Variants in NEK7 observed in about 807,000 individuals in gnomAD.
NEK7 encodes NIMA related kinase 7.
In NEK7, 18 loss-of-function variants were observed where a neutral mutation model predicts 44.6. That is an observed-to-expected ratio of 0.40 (90% CI 0.28 to 0.60). The LOEUF is 0.60. Among genes scored for constraint, NEK7 ranks in the 20% least tolerant of loss-of-function variants. NEK7 has a pLI of 0.38. For missense variants in NEK7, 256 were observed against 366.5 expected, an observed-to-expected ratio of 0.70 and a Z score of 2.46; for synonymous variants, 130 against 121.1, an observed-to-expected ratio of 1.07 and a Z score of -0.48.
intron 2 of NEK7, among the ~76,000 whole-genome samples, chr1:198,236,791 T>G (rs1371723911): frequency 6.6e-6 from 1 of 151,910 alleles, no homozygotes; most frequent in East Asian, 1.9e-4. Context: ...TGCTATTACT[T>G]CTCCCATCTA....
chr1:198,257,807 G>C (rs1399280258), intron 3 of NEK7, among the ~76,000 whole-genome samples: 2 of 152,092 alleles, frequency 1.3e-5, no homozygotes, highest in Admixed American at 6.6e-5. Flanking sequence ...AAGCAGATAA[G>C]AAACAGAAAA....
chr1:198,205,216 G>A (rs1380195727), intron 1 of NEK7, among the ~76,000 whole-genome samples: 2 of 152,174 alleles, frequency 1.3e-5, no homozygotes, highest in African/African-American at 4.8e-5. Flanking sequence ...GCCAAAAACA[G>A]CGGCAGTTTT....
intron 2 of NEK7, among the ~76,000 whole-genome samples, chr1:198,250,759 A>C (rs1652922689): frequency 6.9e-6 from 1 of 144,874 alleles, no homozygotes; most frequent in Admixed American, 7.0e-5. Flanking sequence ...GAAGTTGCTT[A>C]TCAGCTTAAG....
chr1:198,318,164 A>AACAG (rs1315324399), intron 9 of NEK7, among the ~76,000 whole-genome samples: 1 of 152,162 alleles, frequency 6.6e-6, no homozygotes, highest in Non-Finnish European at 1.5e-5. Flanking sequence ...TTAGGATGAG[A>AACAG]ACAGCCCTTA....
intron 1 of NEK7, among the ~76,000 whole-genome samples, chr1:198,219,502 A>G (rs979802534): frequency 7.0e-6 from 1 of 143,814 alleles, no homozygotes; most frequent in Non-Finnish European, 1.5e-5. Context: ...GAGCTAAACT[A>G]TGGGTACATA....
At chr1:198,253,276 T>C in intron 3 of NEK7, 96 bp downstream of exon 3, 1 of 767,430 alleles carries the variant, frequency 1.3e-6, no homozygotes, top group Non-Finnish European at 2.0e-6. Context: ...ACTGATAGCC[T>C]TAAGTTGAGA....
chr1:198,241,268 A>G (rs540372447), intron 2 of NEK7, among the ~76,000 whole-genome samples: 1 of 152,336 alleles, frequency 6.6e-6, no homozygotes, highest in East Asian at 1.9e-4. Flanking sequence ...TGTTTCACAT[A>G]GCTTTCTCAC....
chr1:198,256,592 T>C (rs559618512), intron 3 of NEK7: 12 of 1,315,168 alleles, frequency 9.1e-6, no homozygotes, highest in African/African-American at 7.5e-5. Flanking sequence ...CTGCTGATCA[T>C]TGAATTCATT....
In NEK7 at chr1:198,310,288, GTTGT is replaced by G. The variant is rs942974063; in HGVS notation, c.799-9117_799-9114del. ...TGTCCTTCACCCACTTTTTGATGGC[GTTGT>G]TTGTTTTTTTCTTGTAGATTTGTTT... is the stretch of plus-strand genomic sequence containing the variant. On this transcript the variant is annotated intron_variant, in intron 9 of 9. Coordinates refer to ENST00000367385, the MANE Select transcript of NEK7 (RefSeq NM_133494.3). Among the ~76,000 whole-genome samples, 53 of 152,096 alleles carry G rather than the reference GTTGT, an allele frequency of 3.5e-4. 1 individual carries two copies. Among genetic ancestry groups the G allele is most frequent in the African/African-American group, 1.1e-3 (45 of 41,482 alleles).
At chr1:198,217,921 C>T (rs184465109) in intron 1 of NEK7, among the ~76,000 whole-genome samples, 1 of 148,442 alleles carries the variant, frequency 6.7e-6, no homozygotes, top group Admixed American at 6.7e-5. Flanking sequence ...AACTGCAAAA[C>T]ACTGCTGAAA....
Position 198,278,074 on chromosome 1 carries a change from GAT to G in NEK7, c.481+7_481+8del. 7.0e-7 allele frequency: 1 copy of G among 1,433,598 alleles called. No homozygotes were observed. Among genetic ancestry groups the G allele is most frequent in the Non-Finnish European group, 9.8e-7 (1 of 1,021,564 alleles). The allele number at this position is 1,433,598 out of a possible 1,614,324, so 88.8% of individuals were successfully genotyped here. A position where few individuals can be genotyped will look rare whatever the true frequency, so the allele number is the denominator to read the frequency against. ...CTCGAAGAGTCATGCATAGAGGTAA[GAT>G]AAAATCATTAAGTACTTTTAATCTT... On this transcript the variant is annotated splice_donor_region_variant and intron_variant, in intron 6 of 9. Coordinates refer to ENST00000367385, the MANE Select transcript of NEK7 (RefSeq NM_133494.3).
chr1:198,280,663 G>T (rs548009162), intron 7 of NEK7, among the ~76,000 whole-genome samples: 1 of 150,896 alleles, frequency 6.6e-6, no homozygotes, highest in African/African-American at 2.4e-5. Context: ...AATTCATTAT[G>T]AATTTCTCAT....
chr1:198,166,808 T>C (rs1346849251), intron 1 of NEK7, among the ~76,000 whole-genome samples: 1 of 152,128 alleles, frequency 6.6e-6, no homozygotes, highest in East Asian at 1.9e-4. Flanking sequence ...TGCAAGAATA[T>C]CCAATATGTG....
chr1:198,286,938 G>T (rs1654387782), intron 7 of NEK7, among the ~76,000 whole-genome samples: 1 of 152,030 alleles, frequency 6.6e-6, no homozygotes, highest in South Asian at 2.1e-4. Context: ...CCCTTCTGTT[G>T]CATCTCTTAC....
At chr1:198,291,670 C>T (rs1284267140) in intron 7 of NEK7, among the ~76,000 whole-genome samples, 2 of 151,770 alleles carry the variant, frequency 1.3e-5, no homozygotes, top group African/African-American at 4.8e-5. Flanking sequence ...TCATCACTTT[C>T]ATAAATACTT....
chr1:198,294,157 A>G (rs1383048902), intron 8 of NEK7, among the ~76,000 whole-genome samples: 4 of 152,006 alleles, frequency 2.6e-5, no homozygotes, highest in Non-Finnish European at 5.9e-5. Context: ...TTCCTACTAA[A>G]GTGACTAACA....
intron 1 of NEK7, among the ~76,000 whole-genome samples, chr1:198,158,663 G>A (rs1168281072): frequency 6.6e-6 from 1 of 152,210 alleles, no homozygotes; most frequent in Non-Finnish European, 1.5e-5. Context: ...ACCCTCTAAT[G>A]CTTTGTGGCA....
intron 1 of NEK7, among the ~76,000 whole-genome samples, chr1:198,182,580 G>T (rs1489278065): frequency 6.6e-6 from 1 of 151,898 alleles, no homozygotes; most frequent in African/African-American, 2.4e-5. Context: ...TAATTAATCT[G>T]GAAAAAAATG....
intron 1 of NEK7, among the ~76,000 whole-genome samples, chr1:198,199,474 G>C (rs764326025): frequency 4.6e-5 from 7 of 152,072 alleles, no homozygotes; most frequent in Non-Finnish European, 7.4e-5. Context: ...TTGTTTTCTA[G>C]TGCACACATT....
Sources: gnomAD v4.1 joint callset for allele counts (sites outside exome capture counted in the v4.1 genomes callset) on GRCh38, gnomAD v4.1.1 for gene constraint, MANE v1.5 for transcripts, NCBI Gene and HGNC (gene_info 2026-07-23, HGNC 2026-07-21) for gene names.